SLC7A8: variants seen among roughly 807,000 people sequenced by gnomAD.
The protein encoded by SLC7A8 is large neutral amino acids transporter small subunit 2.
SLC7A8 carries 30 observed loss-of-function variants against 51.2 expected under a neutral mutation model. The observed-to-expected ratio is 0.59, with a 90% CI of 0.44 to 0.80. The LOEUF is 0.80. Ranked by LOEUF, SLC7A8 falls within the 30% of genes least tolerant of loss-of-function variation. The pLI, the probability that SLC7A8 is intolerant of heterozygous loss-of-function variation, is 0.00. For missense variants in SLC7A8, 612 were observed against 674.4 expected (o/e 0.91, Z 1.03); for synonymous variants, 257 against 275.8 (o/e 0.93, Z 0.67).
At chr14:23,152,443 A>G (rs907164910) in intron 3 of SLC7A8, among the ~76,000 whole-genome samples, 2 of 150,054 alleles carry the variant, frequency 1.3e-5, no homozygotes, top group Admixed American at 1.3e-4. Flanking sequence ...TTTTTGAGAC[A>G]GGGTCTTACT....
intron 8 of SLC7A8, chr14:23,130,032 C>A: frequency 3.9e-6 from 2 of 509,188 alleles, no homozygotes; most frequent in African/African-American, 1.9e-5. Flanking sequence ...ACTCGTATGG[C>A]ACGGGCACTA....
chr14:23,134,437 C>CAAAAAAAAA (rs57162273), intron 7 of SLC7A8, among the ~76,000 whole-genome samples: 109 of 64,144 alleles, frequency 1.7e-3, no homozygotes, highest in Non-Finnish European at 1.9e-3. Context: ...ACCCTGTCTC[C>CAAAAAAAAA]AAAAAAAAAA....
chr14:23,183,069 C>T lies in SLC7A8; in HGVS notation c.-155G>A, dbSNP rs1398838202. 1.9e-6 allele frequency: 1 copy of T among 530,170 alleles called. No homozygotes were observed. The highest frequency in any genetic ancestry group is 4.6e-5 in the Admixed American group (1 of 21,960). 32.8% of individuals were successfully genotyped at this position (530,170 alleles called of 1,614,324 possible). A position where few individuals can be genotyped will look rare whatever the true frequency, so the allele number is the denominator to read the frequency against. On this transcript the variant is annotated 5_prime_UTR_variant, in exon 1 of 11. The change creates a new upstream start codon in the 5' untranslated region. Coordinates refer to ENST00000316902, the MANE Select transcript of SLC7A8 (RefSeq NM_012244.4). ...AAAGGCAAGCAGATAAAAGAGAACA[C>T]GAAAAATATTCCTACTCCGCATTCA... is the stretch of plus-strand genomic sequence containing the variant.
Position 23,183,040 on chromosome 14 carries a change from T to G in SLC7A8, c.-126A>C. The G allele has an allele frequency of 9.9e-7, 1 of 1,011,428 alleles. No individual in the cohort carries two copies. The highest frequency in any genetic ancestry group is 1.4e-6 in the Non-Finnish European group (1 of 726,208). 62.7% of individuals were successfully genotyped at this position (1,011,428 alleles called of 1,614,324 possible). On this transcript the variant is annotated 5_prime_UTR_variant, in exon 1 of 11. Transcript: ENST00000316902. Reference sequence around the variant, plus strand: ...CGAAATAGGAACCACTGCTACTCTCTAAAAAAGGCAAGCAGATAAAAGAGA... The same window carrying G: ...CGAAATAGGAACCACTGCTACTCTCGAAAAAAGGCAAGCAGATAAAAGAGA...
chr14:23,154,408 C>T (rs954302953), intron 3 of SLC7A8: 3 of 995,074 alleles, frequency 3.0e-6, no homozygotes, highest in Non-Finnish European at 2.4e-6. Flanking sequence ...GTTGGAGCCG[C>T]TGGGCAGGGA....
chr14:23,139,372 CA>C, intron 6 of SLC7A8, 51 bp downstream of exon 6: 1 of 1,611,978 alleles, frequency 6.2e-7, no homozygotes, highest in South Asian at 1.1e-5. Flanking sequence ...CTACAGCAGG[CA>C]AGTCTATGTC....
intron 3 of SLC7A8, among the ~76,000 whole-genome samples, chr14:23,154,779 C>A (rs573087158): frequency 2.0e-5 from 3 of 152,036 alleles, no homozygotes; most frequent in African/African-American, 7.2e-5. Context: ...GACACGGATC[C>A]AGCTTCACAG....
chr14:23,183,402 G>A lies in SLC7A8; in HGVS notation c.-488C>T, dbSNP rs190622696. On this transcript the variant is annotated 5_prime_UTR_variant, in exon 1 of 11. Transcript: ENST00000316902. ...GAAGACAAAAGTAGTTTTCATTAAC[G>A]GTAGGAAAAAAGAGCAATCCTCAGG... 1 of 152,656 alleles carries A rather than the reference G, an allele frequency of 6.6e-6. No homozygotes were observed. The highest frequency in any genetic ancestry group is 1.9e-4 in the East Asian group (1 of 5,202). The allele number at this position is 152,656 out of a possible 1,614,324, so 9.5% of individuals were successfully genotyped here.
intron 1 of SLC7A8, among the ~76,000 whole-genome samples, chr14:23,173,082 A>G (rs976639612): frequency 2.0e-5 from 3 of 152,240 alleles, no homozygotes; most frequent in African/African-American, 7.2e-5. Flanking sequence ...TTGTGAGGCA[A>G]TCTTGAATAA....
intron 3 of SLC7A8, among the ~76,000 whole-genome samples, chr14:23,146,576 C>T (rs56696363): frequency 0.034 from 5,182 of 152,294 alleles, 116 homozygotes; most frequent in Middle Eastern, 0.12. Flanking sequence ...ACCTTATCTC[C>T]ATCACTTCCC....
chr14:23,154,548 G>C (rs1052583990), intron 3 of SLC7A8: 14 of 913,006 alleles, frequency 1.5e-5, no homozygotes, highest in African/African-American at 1.9e-5. Context: ...AAGCCGCTTC[G>C]GCTTGGCCTG....
rs1407693496 is a variant in SLC7A8, at chr14:23,128,002, A to T, written c.1441+17T>A. 6.2e-7 allele frequency: 1 copy of T among 1,607,138 alleles called. No homozygotes were observed. The highest frequency in any genetic ancestry group is 1.3e-5 in the African/African-American group (1 of 74,824). On this transcript the variant is annotated intron_variant, in intron 10 of 10. Transcript: ENST00000316902. The surrounding 1 kb of genome is among the most constrained non-coding windows in gnomAD (Gnocchi z 4.3). ...CCCAGGAGGCCCTGAAGCCAGCCAG[A>T]GCCTCCAACAACTCACCAATGAAGT...
At chr14:23,140,718 T>TTGA in intron 4 of SLC7A8, 94 bp from the exon 5 acceptor site, 1 of 1,234,274 alleles carries the variant, frequency 8.1e-7, no homozygotes, top group Non-Finnish European at 1.1e-6. Context: ...CCCCTCCCTG[T>TTGA]GGCAATGACA....
intron 6 of SLC7A8, among the ~76,000 whole-genome samples, chr14:23,138,609 G>T (rs996006300): frequency 6.6e-6 from 1 of 152,136 alleles, no homozygotes; most frequent in South Asian, 2.1e-4. Flanking sequence ...ATGAGTTGGG[G>T]GTAAAATAAT....
chr14:23,139,491 A>G lies in SLC7A8; in HGVS notation c.845T>C (p.Phe282Ser), dbSNP rs1389073017. 5 of 1,614,076 alleles carry G rather than the reference A, an allele frequency of 3.1e-6. No homozygotes were observed. The African/African-American group carries it at 6.7e-5, about 22-fold the overall frequency. ...SIPLVTFVYV[F>S]ANVAYVTAMS... Reference sequence around the variant, plus strand: ...TGCAGTGACATAAGCGACATTGGCAAAGACATACACAAATGTGACCAGTGG... The same window carrying G: ...TGCAGTGACATAAGCGACATTGGCAGAGACATACACAAATGTGACCAGTGG... Residue 282 changes from phenylalanine (F) to serine (S), a missense_variant, in exon 6 of 11, where the codon TTT (phenylalanine) becomes TCT (serine). Physicochemically the swap from Phe to Ser is radical, Grantham distance 155 (BLOSUM62 -2). Transcript: ENST00000316902.
intron 3 of SLC7A8, among the ~76,000 whole-genome samples, chr14:23,158,295 C>T (rs2048904296): frequency 6.6e-6 from 1 of 152,214 alleles, no homozygotes; most frequent in South Asian, 2.1e-4. Flanking sequence ...GGGAGCACCA[C>T]CCTGGGGAAG....
chr14:23,137,701 C>T (rs1594821368), intron 7 of SLC7A8, among the ~76,000 whole-genome samples: 1 of 152,270 alleles, frequency 6.6e-6, no homozygotes, highest in East Asian at 1.9e-4. Context: ...GCACCTAGGA[C>T]CCGTATGCCA....
At chr14:23,149,136 C>T (rs909584521) in intron 3 of SLC7A8, among the ~76,000 whole-genome samples, 36 of 152,326 alleles carry the variant, frequency 2.4e-4, no homozygotes, top group East Asian at 1.9e-4. Flanking sequence ...TTCCACACCA[C>T]ATAGCCGCTT....
rs527917428 is a variant in SLC7A8, at chr14:23,165,007, G to A, written c.508+278C>T. On this transcript the variant is annotated intron_variant, in intron 3 of 10. Coordinates refer to ENST00000316902, the MANE Select transcript of SLC7A8 (RefSeq NM_012244.4). The surrounding 1 kb of genome is among the most constrained non-coding windows in gnomAD (Gnocchi z 4.2). The stretch of plus-strand genomic sequence containing the variant: ...ACCCTGCCTCAAAAAAAAAAAAATG[G>A]AGAGAAGTTAGGAGAGTCAGAGACA... Among the ~76,000 whole-genome samples the A allele has an allele frequency of 3.3e-4, 50 of 151,172 alleles. No individual in the cohort carries two copies. Among genetic ancestry groups the A allele is most frequent in the African/African-American group, 1.2e-3 (50 of 41,208 alleles).
Sources: allele counts gnomAD v4.1 joint callset (sites outside exome capture counted in the v4.1 genomes callset), GRCh38; gene constraint gnomAD v4.1.1; non-coding constraint Gnocchi (gnomAD v3.1); transcripts MANE v1.5; gene names NCBI Gene and HGNC (gene_info 2026-07-23, HGNC 2026-07-21).